The following PREX2 variants were observed in gnomAD, a reference collection of about 807,000 sequenced individuals.
The protein encoded by PREX2 is phosphatidylinositol 3,4,5-trisphosphate-dependent Rac exchanger 2 protein.
A neutral mutation model predicts 203.2 loss-of-function variants in PREX2; 107 were observed. That is an observed-to-expected ratio of 0.53 (90% CI 0.45 to 0.62). PREX2 has a LOEUF of 0.62. PREX2 is among the 20% of genes least tolerant of loss of function. PREX2 has a pLI of 0.00. For synonymous variants in PREX2, 672 were observed against 663.6 expected, an observed-to-expected ratio of 1.01 and a Z score of -0.19; for missense variants, 1,777 against 1,955.9, an observed-to-expected ratio of 0.91 and a Z score of 1.72.
intron 1 of PREX2, among the ~76,000 whole-genome samples, chr8:67,959,633 A>G (rs1805579305): frequency 6.6e-6 from 1 of 152,238 alleles, no homozygotes. Flanking sequence ...TTTCTGAGCC[A>G]TCTTGCTGTG....
intron 25 of PREX2, chr8:68,111,025 C>T (rs1289452426): frequency 5.4e-6 from 2 of 369,760 alleles, no homozygotes; most frequent in East Asian, 8.4e-5. Flanking sequence ...ATCCTTGTGA[C>T]AGCAGTTTAT....
chr8:67,959,390 G>GGAT (rs1414657461), intron 1 of PREX2, among the ~76,000 whole-genome samples: 2 of 152,176 alleles, frequency 1.3e-5, no homozygotes, highest in Admixed American at 6.5e-5. Context: ...AGGATGTGAA[G>GGAT]GATGATGGAT....
At chr8:68,038,377 T>C in intron 7 of PREX2, 85 bp downstream of exon 7, 1 of 1,386,578 alleles carries the variant, frequency 7.2e-7, no homozygotes, top group Non-Finnish European at 9.9e-7. Context: ...TCTATCCAGC[T>C]CACAGTTTCT....
intron 1 of PREX2, among the ~76,000 whole-genome samples, chr8:67,969,513 T>C (rs1805865232): frequency 6.6e-6 from 1 of 152,252 alleles, no homozygotes; most frequent in South Asian, 2.1e-4. Flanking sequence ...AGGACCAAAA[T>C]TATAACCCAA....
intron 1 of PREX2, among the ~76,000 whole-genome samples, chr8:67,987,340 G>A (rs1361960894): frequency 1.3e-5 from 2 of 151,908 alleles, no homozygotes; most frequent in Admixed American, 1.3e-4. Context: ...ACCACTATTA[G>A]CACCATAAAG....
At chr8:68,205,882 T>C (rs1812614736) in intron 37 of PREX2, among the ~76,000 whole-genome samples, 2 of 152,200 alleles carry the variant, frequency 1.3e-5, no homozygotes, top group African/African-American at 4.8e-5. Context: ...ATCAATATAC[T>C]TACTTAGCAT....
chr8:68,046,478 AG>A (rs1261278398), intron 8 of PREX2, among the ~76,000 whole-genome samples: 2 of 152,036 alleles, frequency 1.3e-5, no homozygotes, highest in Non-Finnish European at 2.9e-5. Flanking sequence ...TCGACCTGAA[AG>A]TTTTGTTGAT....
chr8:68,203,415 A>ACATC (rs1327170288), intron 37 of PREX2, among the ~76,000 whole-genome samples: 28 of 152,284 alleles, frequency 1.8e-4, no homozygotes, highest in African/African-American at 6.5e-4. Context: ...ATGTCCTTTG[A>ACATC]TGGGTTCACA....
At chr8:68,044,697 G>T in intron 8 of PREX2, 107 bp downstream of exon 8, 1 of 768,758 alleles carries the variant, frequency 1.3e-6, no homozygotes, top group East Asian at 2.5e-5. Flanking sequence ...TTAGAGCTTA[G>T]AAATACTTTG....
chr8:68,229,475 G>A (rs906157303), intron 39 of PREX2, among the ~76,000 whole-genome samples: 1 of 152,140 alleles, frequency 6.6e-6, no homozygotes, highest in African/African-American at 2.4e-5. Flanking sequence ...CCAAAGCTCT[G>A]CAATTTCCAT....
At position 68,077,477 on chromosome 8, in the gene PREX2, T is replaced by C. The variant is rs1026484341; in HGVS notation, c.1642+8T>C. 16 of 1,590,928 alleles carry C rather than the reference T, an allele frequency of 1.0e-5. No individual in the cohort carries two copies. In the African/African-American group the frequency reaches 1.3e-4, roughly 13 times the overall value. Reference sequence around the variant, plus strand: ...ATGGATTTATGCACCATGGTAGGGATTTTTTACCCTGGGAGCTTACAGATG... The same window carrying C: ...ATGGATTTATGCACCATGGTAGGGACTTTTTACCCTGGGAGCTTACAGATG... On this transcript the variant is annotated splice_region_variant and intron_variant, in intron 15 of 39. Transcript: ENST00000288368.
At chr8:68,185,114 T>G (rs1335435174) in intron 35 of PREX2, among the ~76,000 whole-genome samples, 2 of 152,186 alleles carry the variant, frequency 1.3e-5, no homozygotes, top group African/African-American at 4.8e-5. Context: ...TCTTTCCTTT[T>G]TAGGGTCTCT....
intron 31 of PREX2, among the ~76,000 whole-genome samples, chr8:68,129,330 T>C (rs1014996977): frequency 2.0e-5 from 3 of 152,168 alleles, no homozygotes; most frequent in African/African-American, 7.2e-5. Context: ...TGGTAGATTT[T>C]TATTTTGATT....
Position 68,090,663 on chromosome 8 carries a change from C to A in PREX2, c.2198C>A (p.Ala733Asp), listed in dbSNP as rs369802561. ...ATCAATGTCAGCAAAGAGACACATG[C>A]CAGTGTCATTGCACACGTTACAGCC... ...NGINVSKETHASVIAHVTACR... is the reference protein window; with the variant it reads ...NGINVSKETHDSVIAHVTACR... The change falls in exon 20 of 40, where the codon GCC becomes GAC. Residue 733 changes from alanine (A) to aspartate (D), a missense_variant. Transcript: ENST00000288368. The A allele has an allele frequency of 1.2e-6, 2 of 1,613,932 alleles. No individual in the cohort carries two copies. Among genetic ancestry groups the A allele is most frequent in the East Asian group, 2.2e-5 (1 of 44,874 alleles).
intron 1 of PREX2, among the ~76,000 whole-genome samples, chr8:67,957,975 T>G (rs1165085136): frequency 6.6e-6 from 1 of 152,120 alleles, no homozygotes; most frequent in Non-Finnish European, 1.5e-5. Flanking sequence ...CACAGAGAGA[T>G]ACTGTGGTGT....
chr8:68,123,691 C>A (rs1256268466), intron 30 of PREX2, among the ~76,000 whole-genome samples: 1 of 151,676 alleles, frequency 6.6e-6, no homozygotes, highest in Non-Finnish European at 1.5e-5. Flanking sequence ...ACACATGCAC[C>A]CTCCCAAGAC....
intron 35 of PREX2, among the ~76,000 whole-genome samples, chr8:68,164,878 G>A (rs528319120): frequency 1.5e-5 from 2 of 132,116 alleles, no homozygotes; most frequent in Non-Finnish European, 3.1e-5. Flanking sequence ...CACTGAGCCC[G>A]GCCAAACCTT....
intron 35 of PREX2, among the ~76,000 whole-genome samples, chr8:68,167,330 CTTT>C (rs58354162): frequency 1.4e-4 from 19 of 138,580 alleles, no homozygotes; most frequent in Admixed American, 1.4e-4. Flanking sequence ...GTGTTCTCTT[CTTT>C]TTTTTTTTTT....
chr8:67,956,599 G>A (rs1180285166), intron 1 of PREX2, among the ~76,000 whole-genome samples: 1 of 152,166 alleles, frequency 6.6e-6, no homozygotes, highest in Non-Finnish European at 1.5e-5. Context: ...TTTTTATTTT[G>A]CACTGGGCCT....
Sources: gnomAD v4.1 joint callset for allele counts (sites outside exome capture counted in the v4.1 genomes callset) on GRCh38, gnomAD v4.1.1 for gene constraint, MANE v1.5 for transcripts, NCBI Gene and HGNC (gene_info 2026-07-23, HGNC 2026-07-21) for gene names.